Variants in FAIM observed in about 807,000 individuals in gnomAD.
FAIM encodes the protein Fas apoptotic inhibitory molecule, also known as fas apoptotic inhibitory molecule 1.
FAIM carries 14 observed loss-of-function variants against 21.2 expected under a neutral mutation model. The ratio of observed to expected loss-of-function variants is 0.66; its 90% CI spans 0.44 to 1.03. The LOEUF (loss-of-function observed/expected upper bound fraction) is 1.03, where lower values mean the gene tolerates loss of function less well. FAIM is among the 50% of genes least tolerant of loss of function. The pLI is 0.00. For missense variants in FAIM, 222 were observed against 247.1 expected (o/e 0.90, Z 0.68); for synonymous variants, 86 against 80.4 (o/e 1.07, Z -0.37).
chr3:138,616,620 A>G (rs1426453410), intron 1 of FAIM, among the ~76,000 whole-genome samples: 1 of 152,156 alleles, frequency 6.6e-6, no homozygotes, highest in Non-Finnish European at 1.5e-5. Flanking sequence ...CAGCCTCTCA[A>G]AGTGCGGGGA....
Position 138,624,683 on chromosome 3 carries a change from T to C in FAIM, c.406+2267T>C, listed in dbSNP as rs113452385. 3.5e-3 allele frequency among the ~76,000 whole-genome samples: 531 copies of C among 152,354 alleles called. 2 individuals carry two copies. The highest frequency in any genetic ancestry group is 0.012 in the African/African-American group (508 of 41,588). On this transcript the variant is annotated intron_variant, in intron 4 of 5. Coordinates refer to ENST00000360570, the MANE Select transcript of FAIM (RefSeq NM_001033031.2). ...CAGCCTACATTTTACAGATTAGTTA[T>C]GAAGAATGCAGGCTCCAGGATCAGA...
intron 1 of FAIM, chr3:138,610,918 G>A (rs1274125107): frequency 3.2e-6 from 5 of 1,566,228 alleles, no homozygotes; most frequent in South Asian, 2.2e-5. Context: ...AGCCTTCTTC[G>A]GCAGAGCTAC....
At chr3:138,632,355 C>T (rs1256978219) in intron 5 of FAIM, among the ~76,000 whole-genome samples, 1 of 150,104 alleles carries the variant, frequency 6.7e-6, no homozygotes, top group African/African-American at 2.5e-5. Context: ...TATATTTAAA[C>T]AGCATATCTA....
chr3:138,629,424 T>TAAA (rs896856822), intron 5 of FAIM: 61 of 287,470 alleles, frequency 2.1e-4, no homozygotes, highest in African/African-American at 1.3e-3. Context: ...GCATAGCAAG[T>TAAA]AAAATACCTA....
At chr3:138,625,282 G>A (rs2042927557) in intron 4 of FAIM, among the ~76,000 whole-genome samples, 1 of 152,042 alleles carries the variant, frequency 6.6e-6, no homozygotes, top group South Asian at 2.1e-4. Context: ...GACCAACATG[G>A]TGAAACCCCA....
chr3:138,612,153 T>C (rs1369882753), intron 1 of FAIM, among the ~76,000 whole-genome samples: 14 of 144,068 alleles, frequency 9.7e-5, no homozygotes, highest in South Asian at 4.3e-4. Context: ...CAGGCTGGAG[T>C]GCAGTGGTGC....
At chr3:138,629,041 AG>A in intron 4 of FAIM, 65 bp from the exon 5 acceptor site, 1 of 1,265,814 alleles carries the variant, frequency 7.9e-7, no homozygotes, top group Non-Finnish European at 1.1e-6. Context: ...AGTAATAAAT[AG>A]GAAAAGTTAA....
intron 1 of FAIM, among the ~76,000 whole-genome samples, chr3:138,611,760 G>C (rs1341291805): frequency 2.0e-5 from 3 of 152,130 alleles, no homozygotes; most frequent in Non-Finnish European, 2.9e-5. Flanking sequence ...CCTCCCCGCT[G>C]TCTCTCCTGC....
At chr3:138,611,086 G>T in intron 1 of FAIM, 1 of 1,357,976 alleles carries the variant, frequency 7.4e-7, no homozygotes, top group East Asian at 2.3e-5. Flanking sequence ...ATAACTATTG[G>T]TATGCTGGAT....
At chr3:138,617,360 C>T (rs1454028695) in intron 1 of FAIM, among the ~76,000 whole-genome samples, 1 of 146,890 alleles carries the variant, frequency 6.8e-6, no homozygotes, top group East Asian at 2.0e-4. Flanking sequence ...TGCTGTTTGG[C>T]TTATTTTTTA....
intron 4 of FAIM, among the ~76,000 whole-genome samples, chr3:138,624,639 C>A (rs2042921935): frequency 6.6e-6 from 1 of 152,152 alleles, no homozygotes; most frequent in African/African-American, 2.4e-5. Flanking sequence ...ATCCATCAAA[C>A]TTTGGACTAT....
Position 138,624,675 on chromosome 3 carries a change from A to T in FAIM, c.406+2259A>T, listed in dbSNP as rs555125574. Among the ~76,000 whole-genome samples the T allele has an allele frequency of 2.6e-5, 4 of 152,312 alleles. No individual in the cohort carries two copies. In the South Asian group the frequency reaches 8.3e-4, roughly 32 times the overall value. On this transcript the variant is annotated intron_variant, in intron 4 of 5. Transcript: ENST00000360570. The stretch of plus-strand genomic sequence containing the variant: ...GCTGACTACAGCCTACATTTTACAG[A>T]TTAGTTATGAAGAATGCAGGCTCCA...
intron 4 of FAIM, among the ~76,000 whole-genome samples, chr3:138,623,223 G>T (rs905110291): frequency 6.6e-6 from 1 of 151,846 alleles, no homozygotes; most frequent in African/African-American, 2.4e-5. Flanking sequence ...TTTTTGAAGA[G>T]TTTTTTTTGT....
At chr3:138,628,654 A>T (rs1010053883) in intron 4 of FAIM, among the ~76,000 whole-genome samples, 5 of 151,544 alleles carry the variant, frequency 3.3e-5, no homozygotes, top group East Asian at 3.9e-4. Context: ...CCGGCTAATT[A>T]TTGTATTTTT....
chr3:138,624,480 G>A (rs1367586108), intron 4 of FAIM, among the ~76,000 whole-genome samples: 2 of 151,966 alleles, frequency 1.3e-5, no homozygotes, highest in Non-Finnish European at 2.9e-5. Context: ...TTATCCATTT[G>A]CAATCCCTCA....
At position 138,629,232 on chromosome 3, in the gene FAIM, TAG is replaced by T. The variant is rs145718137; in HGVS notation, c.456+80_456+81del. 2.0e-4 allele frequency: 244 copies of T among 1,213,568 alleles called. No homozygotes were observed. In the African/African-American group the frequency reaches 3.6e-3, roughly 18 times the overall value. The allele number at this position is 1,213,568 out of a possible 1,614,324, so 75.2% of individuals were successfully genotyped here. A position where few individuals can be genotyped will look rare whatever the true frequency, so the allele number is the denominator to read the frequency against. On this transcript the variant is annotated intron_variant, in intron 5 of 5. Coordinates refer to ENST00000360570, the MANE Select transcript of FAIM (RefSeq NM_001033031.2). ...GAATTGTTGCTGCATTTCCTAATTA[TAG>T]AGATCTTATAATGAATCAAGGCCCT...
intron 4 of FAIM, among the ~76,000 whole-genome samples, chr3:138,624,475 C>A (rs1156901317): frequency 1.3e-5 from 2 of 152,106 alleles, no homozygotes; most frequent in African/African-American, 2.4e-5. Context: ...CTTCTTTATC[C>A]ATTTGCAATC....
At chr3:138,613,060 G>A (rs1009109179) in intron 1 of FAIM, among the ~76,000 whole-genome samples, 5 of 150,286 alleles carry the variant, frequency 3.3e-5, no homozygotes, top group Non-Finnish European at 3.0e-5. Context: ...TGTTGCCCAG[G>A]CTGGAGTGCA....
At chr3:138,617,060 T>G (rs541920342) in intron 1 of FAIM, among the ~76,000 whole-genome samples, 2 of 152,226 alleles carry the variant, frequency 1.3e-5, no homozygotes, top group African/African-American at 4.8e-5. Context: ...GTTCATAGTT[T>G]AGAGAAGAAA....
Sources: allele counts gnomAD v4.1 joint callset (sites outside exome capture counted in the v4.1 genomes callset), GRCh38; gene constraint gnomAD v4.1.1; transcripts MANE v1.5; gene names NCBI Gene and HGNC (gene_info 2026-07-23, HGNC 2026-07-21).